FGF14: variants seen among roughly 807,000 people sequenced by gnomAD.
The protein encoded by FGF14 is fibroblast growth factor homologous factor 4.
FGF14 carries 5 observed loss-of-function variants against 25.5 expected under a neutral mutation model. That is an observed-to-expected ratio of 0.20 (90% CI 0.10 to 0.41). The LOEUF (loss-of-function observed/expected upper bound fraction) is 0.41, where lower values mean the gene tolerates loss of function less well. Among genes scored for constraint, FGF14 ranks in the 10% least tolerant of loss-of-function variants. The probability of loss-of-function intolerance (pLI) is 1.00; values close to 1 mark genes in which losing one functional copy is unlikely to be tolerated. For missense variants in FGF14, 222 were observed against 320.1 expected (o/e 0.69, Z 2.34); for synonymous variants, 138 against 118.3 (o/e 1.17, Z -1.08).
At chr13:102,200,083 T>A (rs1164705654) in intron 1 of FGF14, among the ~76,000 whole-genome samples, 1 of 152,128 alleles carries the variant, frequency 6.6e-6, no homozygotes, top group African/African-American at 2.4e-5. Flanking sequence ...TGATGGGGAG[T>A]CATTACTATC....
intron 1 of FGF14, among the ~76,000 whole-genome samples, chr13:101,952,413 CTTT>C (rs35081290): frequency 3.1e-4 from 46 of 146,812 alleles, no homozygotes; most frequent in Non-Finnish European, 5.3e-4. Flanking sequence ...TTTTTGGCTA[CTTT>C]TTTTTTTTTC....
At chr13:102,103,929 C>T (rs2044780901) in intron 1 of FGF14, among the ~76,000 whole-genome samples, 1 of 152,194 alleles carries the variant, frequency 6.6e-6, no homozygotes, top group African/African-American at 2.4e-5. Context: ...GGCTGAGGCT[C>T]AGTCTTATTT....
At chr13:101,792,106 CAA>C (rs1306207843) in intron 3 of FGF14, among the ~76,000 whole-genome samples, 1 of 152,028 alleles carries the variant, frequency 6.6e-6, no homozygotes, top group African/African-American at 2.4e-5. Flanking sequence ...AATATCCAAA[CAA>C]GAGACTACCT....
intron 1 of FGF14, among the ~76,000 whole-genome samples, chr13:102,161,628 GAAGAAGAAGAAGAAGAAGAAGAA>G (rs2047707291): frequency 1.6e-4 from 1 of 6,240 alleles, no homozygotes. Context: ...AGAAGAAGAA[GAAGAAGAAGAAGAAGAAGAAGAA>G]GAAGAAGAAG....
intron 1 of FGF14, among the ~76,000 whole-genome samples, chr13:102,119,113 C>T (rs1414695157): frequency 6.6e-6 from 1 of 152,156 alleles, no homozygotes; most frequent in Non-Finnish European, 1.5e-5. Context: ...CCTCATGGGC[C>T]TCTAGTGTGT....
intron 3 of FGF14, among the ~76,000 whole-genome samples, chr13:101,784,034 T>C (rs12867498): frequency 6.6e-6 from 1 of 152,200 alleles, no homozygotes; most frequent in Non-Finnish European, 1.5e-5. Flanking sequence ...CACTATTTTG[T>C]TCCATCGGTC....
At chr13:101,862,787 G>T (rs1302220457) in intron 3 of FGF14, among the ~76,000 whole-genome samples, 2 of 151,934 alleles carry the variant, frequency 1.3e-5, no homozygotes, top group African/African-American at 4.8e-5. Context: ...ACCAAGAAAG[G>T]ATAATAGCCA....
chr13:101,822,495 A>T (rs1297107238), intron 3 of FGF14, among the ~76,000 whole-genome samples: 2 of 18,820 alleles, frequency 1.1e-4, no homozygotes, highest in Non-Finnish European at 1.7e-4. Context: ...AATTTCTACC[A>T]AAAAAAAAAA....
At chr13:102,068,484 G>C (rs71441536) in intron 1 of FGF14, among the ~76,000 whole-genome samples, 7 of 152,308 alleles carry the variant, frequency 4.6e-5, no homozygotes, top group Admixed American at 2.0e-4. Context: ...GGAGAGGCGC[G>C]AGCGGGAACC....
intron 3 of FGF14, among the ~76,000 whole-genome samples, chr13:101,807,645 C>T (rs988382612): frequency 6.6e-6 from 1 of 151,766 alleles, no homozygotes; most frequent in African/African-American, 2.4e-5. Context: ...GACCCTTAGG[C>T]CAGGGAAAAT....
intron 1 of FGF14, among the ~76,000 whole-genome samples, chr13:102,084,866 A>G (rs1440901662): frequency 2.6e-5 from 4 of 152,200 alleles, no homozygotes; most frequent in African/African-American, 7.2e-5. Flanking sequence ...ACTCCTTACT[A>G]CAAAAAGCAA....
chr13:102,360,768 T>C (rs2057542204), intron 1 of FGF14, among the ~76,000 whole-genome samples: 1 of 152,186 alleles, frequency 6.6e-6, no homozygotes, highest in Non-Finnish European at 1.5e-5. Flanking sequence ...GATGGACTTT[T>C]ACCCTCAGTC....
At chr13:102,171,325 G>C (rs1327590034) in intron 1 of FGF14, among the ~76,000 whole-genome samples, 3 of 152,096 alleles carry the variant, frequency 2.0e-5, no homozygotes, top group Admixed American at 6.6e-5. Flanking sequence ...GATTGCATGA[G>C]GAAGCATTCA....
intron 1 of FGF14, among the ~76,000 whole-genome samples, chr13:101,960,628 T>C (rs891262342): frequency 2.6e-5 from 4 of 152,202 alleles, no homozygotes; most frequent in Non-Finnish European, 4.4e-5. Flanking sequence ...GCCTTTGCTA[T>C]TGTGAATAGG....
intron 3 of FGF14, among the ~76,000 whole-genome samples, chr13:101,730,237 TGTC>T (rs1309184897): frequency 1.3e-5 from 2 of 152,200 alleles, no homozygotes; most frequent in Non-Finnish European, 2.9e-5. Flanking sequence ...GTTAAGAACA[TGTC>T]GTACTGATGT....
At chr13:102,137,426 T>C (rs2046460218) in intron 1 of FGF14, among the ~76,000 whole-genome samples, 1 of 152,210 alleles carries the variant, frequency 6.6e-6, no homozygotes, top group East Asian at 1.9e-4. Context: ...GATTATTCCA[T>C]AATAAAATAT....
At chr13:101,805,347 C>T (rs1293781748) in intron 3 of FGF14, among the ~76,000 whole-genome samples, 1 of 152,016 alleles carries the variant, frequency 6.6e-6, no homozygotes, top group Non-Finnish European at 1.5e-5. Context: ...ATAGAAATTT[C>T]TATTAATGGT....
chr13:102,091,848 T>C (rs1328852680), intron 1 of FGF14, among the ~76,000 whole-genome samples: 1 of 152,200 alleles, frequency 6.6e-6, no homozygotes, highest in African/African-American at 2.4e-5. Flanking sequence ...TAAGAAGTGT[T>C]TGTATTAAAT....
intron 1 of FGF14, among the ~76,000 whole-genome samples, chr13:102,344,214 T>C (rs887575291): frequency 6.6e-5 from 10 of 152,196 alleles, no homozygotes; most frequent in Non-Finnish European, 1.0e-4. Flanking sequence ...ATTAATCAAA[T>C]CACTTAGATG....
Sources: gnomAD v4.1 joint callset for allele counts (sites outside exome capture counted in the v4.1 genomes callset) on GRCh38, gnomAD v4.1.1 for gene constraint, MANE v1.5 for transcripts, NCBI Gene and HGNC (gene_info 2026-07-23, HGNC 2026-07-21) for gene names.